Variants in ELFN2 observed in about 807,000 individuals in gnomAD.
The protein encoded by ELFN2 is extracellular leucine rich repeat and fibronectin type III domain containing 2, also known as protein phosphatase 1 regulatory subunit 29.
In ELFN2, 17 loss-of-function variants were observed where a neutral mutation model predicts 45.5. The ratio of observed to expected loss-of-function variants is 0.37; its 90% confidence interval spans 0.26 to 0.56. The LOEUF (loss-of-function observed/expected upper bound fraction) is 0.56. Among genes scored for constraint, ELFN2 ranks in the 20% least tolerant of loss-of-function variants. The pLI is 0.77. For synonymous variants in ELFN2, 550 were observed against 551.5 expected (o/e 1.00, Z 0.04); for missense variants, 922 against 1,183.2 (o/e 0.78, Z 3.24).
chr22:37,386,183 G>T (rs1376195189), intron 2 of ELFN2, among the ~76,000 whole-genome samples: 2 of 152,180 alleles, frequency 1.3e-5, no homozygotes, highest in East Asian at 1.9e-4. Flanking sequence ...ACTGCCAGCT[G>T]GCCTAGCCTA....
At chr22:37,420,949 T>C (rs928370521) in intron 1 of ELFN2, among the ~76,000 whole-genome samples, 1 of 152,126 alleles carries the variant, frequency 6.6e-6, no homozygotes, top group African/African-American at 2.4e-5. Context: ...GCAGCTGCCA[T>C]CCAACCAGCA....
intron 1 of ELFN2, among the ~76,000 whole-genome samples, chr22:37,360,585 C>G (rs1931061049): frequency 6.6e-6 from 1 of 152,186 alleles, no homozygotes; most frequent in African/African-American, 2.4e-5. Context: ...CAACCTCCAT[C>G]CGGCTGGCAC....
At chr22:37,343,572 C>T (rs950469564) in intron 1 of ELFN2, among the ~76,000 whole-genome samples, 41 of 152,104 alleles carry the variant, frequency 2.7e-4, no homozygotes, top group Non-Finnish European at 5.3e-4. Context: ...TGCTGTGAGC[C>T]GAGCCTGTCT....
chr22:37,414,795 C>T (rs577999490), intron 2 of ELFN2, among the ~76,000 whole-genome samples: 1 of 152,324 alleles, frequency 6.6e-6, no homozygotes, highest in South Asian at 2.1e-4. Flanking sequence ...ATTCCCCCTT[C>T]CCATCCCAAG....
chr22:37,413,051 C>T (rs925589718), intron 2 of ELFN2, among the ~76,000 whole-genome samples: 2 of 152,166 alleles, frequency 1.3e-5, no homozygotes, highest in Non-Finnish European at 2.9e-5. Flanking sequence ...CGTTTGCAAC[C>T]GGGTGTGACA....
Position 37,372,981 on chromosome 22 carries a change from C to G in ELFN2, c.*91G>C. The G allele has an allele frequency of 2.1e-6, 3 of 1,440,962 alleles. No individual in the cohort carries two copies. Among genetic ancestry groups the G allele is most frequent in the East Asian group, 2.4e-5 (1 of 42,024 alleles). 89.3% of individuals were successfully genotyped at this position (1,440,962 alleles called of 1,614,324 possible). A position where few individuals can be genotyped will look rare whatever the true frequency, so the allele number is the denominator to read the frequency against. Reference sequence around the variant, plus strand: ...GCGTCCTCTCCTGGGCCTTGGCCCCCGAGTCTGCTCCCCGCCCTGGCCGCC... The same window carrying G: ...GCGTCCTCTCCTGGGCCTTGGCCCCGGAGTCTGCTCCCCGCCCTGGCCGCC... On this transcript the variant is annotated 3_prime_UTR_variant, in exon 3 of 3. Coordinates refer to ENST00000402918, the MANE Select transcript of ELFN2 (RefSeq NM_052906.5). The surrounding 1 kb of genome is among the most constrained non-coding windows in gnomAD (Gnocchi z 4.4).
chr22:37,343,282 C>T lies in ELFN2; in HGVS notation n.149-579G>A, dbSNP rs1258562534. Among the ~76,000 whole-genome samples the T allele has an allele frequency of 3.9e-5, 6 of 152,106 alleles. No homozygotes were observed. In the East Asian group the frequency reaches 7.7e-4, roughly 20 times the overall value. ...GCTGCAACGGTCTGTGTCCCAGGTCCGCTCCTCCCTGCTCCCCCGCCCCTA... is the reference window on the plus strand; with the variant it reads ...GCTGCAACGGTCTGTGTCCCAGGTCTGCTCCTCCCTGCTCCCCCGCCCCTA... On this transcript the variant is annotated intron_variant and non_coding_transcript_variant, in intron 1 of 2. Coordinates refer to ENST00000452946, the Ensembl canonical transcript of ELFN2.
intron 2 of ELFN2, among the ~76,000 whole-genome samples, chr22:37,381,564 A>C: frequency 6.9e-6 from 1 of 145,494 alleles, no homozygotes; most frequent in African/African-American, 2.6e-5. Flanking sequence ...CTAGCCCCCC[A>C]GTCTGAGATA....
chr22:37,365,794 T>TA (rs1319816875), downstream of ELFN2, among the ~76,000 whole-genome samples: 1 of 152,192 alleles, frequency 6.6e-6, no homozygotes, highest in Non-Finnish European at 1.5e-5. Context: ...CAGCCACACT[T>TA]AGAGACATTC....
intron 1 of ELFN2, among the ~76,000 whole-genome samples, chr22:37,344,094 G>A (rs1930632462): frequency 2.2e-5 from 1 of 46,146 alleles, no homozygotes; most frequent in African/African-American, 9.0e-5. Flanking sequence ...AACCCCACCT[G>A]CCCATGGCCC....
chr22:37,375,312 G>A lies in ELFN2; in HGVS notation c.223C>T (p.Leu75Phe). ...TCGGTGAGGTTCCCAAAGCGGTTGAGCGAGGAGTAGAGCACGGCTTTGAGC... is the reference window on the plus strand; with the variant it reads ...TCGGTGAGGTTCCCAAAGCGGTTGAACGAGGAGTAGAGCACGGCTTTGAGC... ...NKLKAVLYSS[L>F]NRFGNLTDLN... The change falls in exon 3 of 3, where the codon CTC becomes TTC. Residue 75 changes from leucine to phenylalanine, a missense_variant. Leu to Phe is a conservative substitution (Grantham distance 22). This residue lies in a region of ELFN2 where 358 missense variants were observed against 540.4 expected (regional missense o/e 0.66). Transcript: ENST00000402918. 1 of 1,614,186 alleles carries A rather than the reference G, an allele frequency of 6.2e-7. No homozygotes were observed. The highest frequency in any genetic ancestry group is 8.5e-7 in the Non-Finnish European group (1 of 1,180,028).
intron 2 of ELFN2, among the ~76,000 whole-genome samples, chr22:37,411,362 TGCCAACCCCTCTCTGTA>T (rs1156934056): frequency 5.3e-5 from 8 of 151,986 alleles, no homozygotes; most frequent in Non-Finnish European, 7.4e-5. Flanking sequence ...GGCACCTCAG[TGCCAACCCCTCTCTGTA>T]GCCGGTCTCT....
chr22:37,359,005 G>A (rs565983822), intron 1 of ELFN2, among the ~76,000 whole-genome samples: 2 of 152,194 alleles, frequency 1.3e-5, no homozygotes, highest in Admixed American at 6.5e-5. Context: ...AGATGGACGT[G>A]GGGCTGGAAG....
At chr22:37,346,345 C>A (rs1353655639) in intron 1 of ELFN2, among the ~76,000 whole-genome samples, 1 of 152,070 alleles carries the variant, frequency 6.6e-6, no homozygotes, top group Non-Finnish European at 1.5e-5. Context: ...GGTTCCCCCG[C>A]CCCAGAGTCC....
At position 37,378,239 on chromosome 22, in the gene ELFN2, G is replaced by A. The variant is rs1931637661; in HGVS notation, c.-462-2243C>T. ...GGGGCAGGAAGGTATGTGTGTCGGG[G>A]ACATCCCAGAGAATGCAAGCACCCA... On this transcript the variant is annotated intron_variant, in intron 2 of 2. Transcript: ENST00000402918. 2.6e-5 allele frequency among the ~76,000 whole-genome samples: 4 copies of A among 152,326 alleles called. No individual in the cohort carries two copies. In the South Asian group the frequency reaches 8.3e-4, roughly 32 times the overall value.
intron 1 of ELFN2, among the ~76,000 whole-genome samples, chr22:37,359,042 A>T (rs557904934): frequency 1.3e-5 from 2 of 152,162 alleles, no homozygotes; most frequent in South Asian, 4.1e-4. Context: ...ATATGTTGGT[A>T]TTGGAAGCCC....
At chr22:37,346,077 C>T (rs761495342) in intron 1 of ELFN2, among the ~76,000 whole-genome samples, 14 of 152,176 alleles carry the variant, frequency 9.2e-5, no homozygotes, top group Non-Finnish European at 1.6e-4. Flanking sequence ...GTCATTAGGA[C>T]GGGATGATAA....
At chr22:37,398,531 C>T (rs1438937658) in intron 2 of ELFN2, among the ~76,000 whole-genome samples, 1 of 151,714 alleles carries the variant, frequency 6.6e-6, no homozygotes, top group Non-Finnish European at 1.5e-5. Context: ...AACTGACTGT[C>T]GCCTACCCTG....
chr22:37,349,248 T>G (rs184345213), intron 1 of ELFN2, among the ~76,000 whole-genome samples: 1 of 151,246 alleles, frequency 6.6e-6, no homozygotes, highest in African/African-American at 2.4e-5. Context: ...ACTGGGTGCT[T>G]GTGAGAACCA....
Sources: allele counts gnomAD v4.1 joint callset (sites outside exome capture counted in the v4.1 genomes callset), GRCh38; gene constraint gnomAD v4.1.1; regional missense constraint gnomAD v4.1.1; non-coding constraint Gnocchi (gnomAD v3.1); transcripts MANE v1.5; gene names NCBI Gene and HGNC (gene_info 2026-07-23, HGNC 2026-07-21).